Variants in GTPBP4 observed in about 807,000 individuals in gnomAD.
The protein encoded by GTPBP4 is GTP binding protein 4.
A neutral mutation model predicts 81.7 loss-of-function variants in GTPBP4; 15 were observed. The ratio of observed to expected loss-of-function variants is 0.18; its 90% CI spans 0.12 to 0.28. GTPBP4 has a LOEUF of 0.28. Ranked by LOEUF, GTPBP4 falls within the 10% of genes least tolerant of loss-of-function variation. The pLI is 1.00. For missense variants in GTPBP4, 847 were observed against 793.8 expected (o/e 1.07, Z -0.81); for synonymous variants, 272 against 274.6 (o/e 0.99, Z 0.09).
rs1250890 is a variant in GTPBP4, at chr10:994,284, G to A, written c.219+1625G>A. On this transcript the variant is annotated intron_variant, in intron 2 of 16. Coordinates refer to ENST00000360803, the MANE Select transcript of GTPBP4 (RefSeq NM_012341.3). ...TGTTTGTTTGTTTGTTTGTTTGTTT[G>A]TTTTGAGACAGTCTTGCTCTGTTGC... Among the ~76,000 whole-genome samples the A allele has an allele frequency of 3.0e-3, 371 of 125,042 alleles. 3 individuals are homozygous for A. The highest frequency in any genetic ancestry group is 0.011 in the African/African-American group (359 of 33,814). 82.0% of individuals were successfully genotyped at this position (125,042 alleles called of 152,430 possible). A position where few individuals can be genotyped will look rare whatever the true frequency, so the allele number is the denominator to read the frequency against.
At chr10:992,279 A>G (rs1831458084) in intron 1 of GTPBP4, among the ~76,000 whole-genome samples, 1 of 151,486 alleles carries the variant, frequency 6.6e-6, no homozygotes, top group Non-Finnish European at 1.5e-5. Context: ...ACGCGCCTGT[A>G]GTCCCAGCTA....
chr10:998,994 T>C lies in GTPBP4; in HGVS notation c.562-9T>C. ...ATGAGGTGATTCTGAAAGTTCTCAC[T>C]TGTTCCAGGTGACGAGAGCAGACGT... On this transcript the variant is annotated splice_polypyrimidine_tract_variant and intron_variant, in intron 5 of 16. Transcript: ENST00000360803. 2 of 1,521,958 alleles carry C rather than the reference T, an allele frequency of 1.3e-6. No individual in the cohort carries two copies. Among genetic ancestry groups the C allele is most frequent in the Non-Finnish European group, 1.8e-6 (2 of 1,095,526 alleles). 94.3% of individuals were successfully genotyped at this position (1,521,958 alleles called of 1,614,324 possible).
rs1413962758 is a variant in GTPBP4, at chr10:995,910, G to A, written c.220-19G>A. 2.8e-6 allele frequency: 4 copies of A among 1,432,052 alleles called. No individual in the cohort carries two copies. Among genetic ancestry groups the A allele is most frequent in the Non-Finnish European group, 3.9e-6 (4 of 1,018,304 alleles). The allele number at this position is 1,432,052 out of a possible 1,614,324, so 88.7% of individuals were successfully genotyped here. A position where few individuals can be genotyped will look rare whatever the true frequency, so the allele number is the denominator to read the frequency against. ...ACTGCTGGCCCCAAGTGACCGTGGT[G>A]TGCTTTTGTTTGTTACAGGATATTC... On this transcript the variant is annotated intron_variant, in intron 2 of 16. Transcript: ENST00000360803.
chr10:1,012,403 A>G (rs1473411200), intron 13 of GTPBP4, 62 bp from the exon 14 acceptor site: 10 of 1,145,318 alleles, frequency 8.7e-6, no homozygotes, highest in Non-Finnish European at 1.0e-5. Context: ...ACTCTGCCAC[A>G]CTCACTGACT....
At position 1,016,821 on chromosome 10, in the gene GTPBP4, A is replaced by C. The variant is rs1589034092; in HGVS notation, c.1753-254A>C. ...GGGATAACTGTGCTGGGCTTAAGAG[A>C]AAAGAGATGTAACAGGGGTAACTGT... On this transcript the variant is annotated intron_variant, in intron 16 of 16. Coordinates refer to ENST00000360803, the MANE Select transcript of GTPBP4 (RefSeq NM_012341.3). Among the ~76,000 whole-genome samples the C allele has an allele frequency of 3.3e-5, 5 of 152,116 alleles. 1 individual carries two copies. Among genetic ancestry groups the C allele is most frequent in the Admixed American group, 3.3e-4 (5 of 15,274 alleles).
At chr10:1,007,785 C>G in intron 10 of GTPBP4, 2 of 441,688 alleles carry the variant, frequency 4.5e-6, no homozygotes, top group South Asian at 1.7e-5. Flanking sequence ...TCGGCGTGGT[C>G]GGGCACTGAC....
At chr10:1,000,314 T>G (rs1033841765) in intron 6 of GTPBP4, among the ~76,000 whole-genome samples, 4 of 142,778 alleles carry the variant, frequency 2.8e-5, no homozygotes, top group Admixed American at 7.4e-5. Flanking sequence ...CTTGGCTCAC[T>G]GCAAGCTCCG....
intron 5 of GTPBP4, among the ~76,000 whole-genome samples, chr10:998,289 G>A (rs1831567511): frequency 6.6e-6 from 1 of 151,992 alleles, no homozygotes; most frequent in South Asian, 2.1e-4. Flanking sequence ...TTGTGGAGAT[G>A]GAGTCTCACT....
rs918962915 is a variant in GTPBP4 at position 1,019,202 on chromosome 10, A to G, written c.*1975A>G. On this transcript the variant is annotated 3_prime_UTR_variant, in exon 17 of 17. Coordinates refer to ENST00000360803, the MANE Select transcript of GTPBP4 (RefSeq NM_012341.3). ...CCAGCCAGGCTAGTCCGCCTGCTTCAGGACTCTCAAGATCTCCCCAAGACT... is the reference window on the plus strand; with the variant it reads ...CCAGCCAGGCTAGTCCGCCTGCTTCGGGACTCTCAAGATCTCCCCAAGACT... The G allele has an allele frequency of 1.2e-5, 3 of 260,770 alleles. No homozygotes were observed. Among genetic ancestry groups the G allele is most frequent in the Non-Finnish European group, 2.2e-5 (3 of 134,764 alleles). 16.2% of individuals were successfully genotyped at this position (260,770 alleles called of 1,614,324 possible).
intron 2 of GTPBP4, among the ~76,000 whole-genome samples, chr10:994,344 C>G (rs1307695677): frequency 1.3e-5 from 2 of 152,086 alleles, no homozygotes; most frequent in African/African-American, 2.4e-5. Context: ...TCTCAGCTCA[C>G]TGTAACCTCT....
At chr10:989,412 G>T (rs1831402869) in intron 1 of GTPBP4, among the ~76,000 whole-genome samples, 1 of 152,110 alleles carries the variant, frequency 6.6e-6, no homozygotes, top group Non-Finnish European at 1.5e-5. Context: ...ACTGCGCCCG[G>T]CCCTAGTATT....
chr10:1,019,331 G>T lies in GTPBP4; in HGVS notation c.*2104G>T. ...TGCAACCAGGCAGATGAGAAATATG[G>T]AAATAAGGAAAAGGGAAAATGAAGA... is the stretch of plus-strand genomic sequence containing the variant. On this transcript the variant is annotated 3_prime_UTR_variant, in exon 17 of 17. Transcript: ENST00000360803. The T allele has an allele frequency of 3.6e-6, 2 of 555,652 alleles. No individual in the cohort carries two copies. The highest frequency in any genetic ancestry group is 6.3e-6 in the Non-Finnish European group (2 of 316,366). The allele number at this position is 555,652 out of a possible 1,614,324, so 34.4% of individuals were successfully genotyped here.
At chr10:1,012,280 T>C in intron 13 of GTPBP4, 185 bp from the exon 14 acceptor site, 1 of 458,910 alleles carries the variant, frequency 2.2e-6, no homozygotes, top group Non-Finnish European at 4.0e-6. Flanking sequence ...GTGGTCTCCA[T>C]TTTCTTCACA....
rs369493048 is a variant in GTPBP4, at chr10:1,015,824, C to T, written c.1680C>T (p.Pro560=). The T allele has an allele frequency of 4.3e-6, 7 of 1,613,876 alleles. No homozygotes were observed. In the African/African-American group the frequency reaches 9.3e-5, roughly 22 times the overall value. Residue 560 remains proline (P), a synonymous_variant, in exon 16 of 17, where the codon CCC becomes CCT. Coordinates refer to ENST00000360803, the MANE Select transcript of GTPBP4 (RefSeq NM_012341.3). Reference sequence around the variant, plus strand: ...AAAGAAAGCGGGAAGACTCTGCTCCCCCGTCCTCTGTGGCCCGGAGTGGGA... The same window carrying T: ...AAAGAAAGCGGGAAGACTCTGCTCCTCCGTCCTCTGTGGCCCGGAGTGGGA... The part of the protein sequence containing the change: ...TRKRKREDSA[P]PSSVARSGSC...
At chr10:1,002,589 G>T (rs765269849) in intron 8 of GTPBP4, among the ~76,000 whole-genome samples, 5 of 152,104 alleles carry the variant, frequency 3.3e-5, no homozygotes, top group Non-Finnish European at 5.9e-5. Context: ...ATCTTGTAAG[G>T]CTGGTCTAGT....
intron 2 of GTPBP4, among the ~76,000 whole-genome samples, chr10:994,880 A>AAGG (rs1328170253): frequency 1.3e-5 from 2 of 152,224 alleles, no homozygotes; most frequent in Non-Finnish European, 2.9e-5. Flanking sequence ...AGAAGTGGTA[A>AAGG]AGGTTCCTGC....
chr10:994,599 A>G (rs1032328317), intron 2 of GTPBP4, among the ~76,000 whole-genome samples: 2 of 152,150 alleles, frequency 1.3e-5, no homozygotes, highest in Non-Finnish European at 2.9e-5. Context: ...AACTGATTTG[A>G]TATTAGGAAA....
At chr10:1,011,198 C>A (rs1831863183) in intron 13 of GTPBP4, among the ~76,000 whole-genome samples, 1 of 152,062 alleles carries the variant, frequency 6.6e-6, no homozygotes, top group Non-Finnish European at 1.5e-5. Context: ...CTTCCCCACC[C>A]TGTATCTCCG....
Position 1,018,762 on chromosome 10 carries a change from C to G in GTPBP4, c.*1535C>G, listed in dbSNP as rs1450787427. ...GGCGGAGCTTGCAGTGAGCCAAGAT[C>G]GCACCACTGCACTCCAGCCTGGTCG... On this transcript the variant is annotated 3_prime_UTR_variant, in exon 17 of 17. Coordinates refer to ENST00000360803, the MANE Select transcript of GTPBP4 (RefSeq NM_012341.3). The G allele has an allele frequency of 6.7e-6, 1 of 148,778 alleles. No homozygotes were observed. The highest frequency in any genetic ancestry group is 2.0e-4 in the East Asian group (1 of 5,012). The allele number at this position is 148,778 out of a possible 1,614,324, so 9.2% of individuals were successfully genotyped here.
Sources: allele counts gnomAD v4.1 joint callset (sites outside exome capture counted in the v4.1 genomes callset), GRCh38; gene constraint gnomAD v4.1.1; transcripts MANE v1.5; gene names NCBI Gene and HGNC (gene_info 2026-07-23, HGNC 2026-07-21).